Variants in EYS observed in about 807,000 individuals in gnomAD.
EYS encodes the protein protein eyes shut homolog.
Under a neutral mutation model 282.1 loss-of-function variants are expected in EYS, and 250 were observed. The ratio of observed to expected loss-of-function variants is 0.89; its 90% CI spans 0.80 to 0.98. The LOEUF is 0.98. EYS is among the 50% of genes least tolerant of loss of function. The pLI is 0.00. For synonymous variants in EYS, 1,355 were observed against 1,282.9 expected (o/e 1.06, Z -1.20); for missense variants, 4,016 against 3,709.0 (o/e 1.08, Z -2.15).
intron 34 of EYS, 21 bp from the exon 35 acceptor site, chr6:63,984,624 A>G (rs2149792442): frequency 6.8e-7 from 1 of 1,462,988 alleles, no homozygotes. Flanking sequence ...AGTAACAACA[A>G]AAAATATTAT....
intron 34 of EYS, among the ~76,000 whole-genome samples, chr6:63,993,220 C>A (rs1359933106): frequency 1.3e-5 from 2 of 151,618 alleles, no homozygotes; most frequent in Non-Finnish European, 3.0e-5. Flanking sequence ...TGGTGAACAC[C>A]TAAAGCTTTT....
rs557014122 is a variant in EYS at position 64,511,584 on chromosome 6, G to C, written c.5645-72232C>G. Among the ~76,000 whole-genome samples the C allele has an allele frequency of 3.3e-5, 5 of 151,932 alleles. No homozygotes were observed. In the East Asian group the frequency reaches 9.7e-4, roughly 29 times the overall value. Reference sequence around the variant, plus strand: ...TTGTGCCACTGAGTAGAGATGGAAGGATGTACGCAACTCTGCATCCCAGTG... The same window carrying C: ...TTGTGCCACTGAGTAGAGATGGAAGCATGTACGCAACTCTGCATCCCAGTG... On this transcript the variant is annotated intron_variant, in intron 26 of 42. Coordinates refer to ENST00000503581, the MANE Select transcript of EYS (RefSeq NM_001142800.2).
At chr6:65,637,365 A>G (rs770603748) in intron 2 of EYS, among the ~76,000 whole-genome samples, 1 of 152,212 alleles carries the variant, frequency 6.6e-6, no homozygotes, top group Non-Finnish European at 1.5e-5. Context: ...GCTAGTAACT[A>G]GTGATGGAAG....
intron 15 of EYS, among the ~76,000 whole-genome samples, chr6:64,933,030 A>G (rs1404558066): frequency 1.3e-5 from 2 of 152,110 alleles, no homozygotes; most frequent in African/African-American, 2.4e-5. Flanking sequence ...AGTATGGGCC[A>G]TGCACAGAAA....
At chr6:64,751,244 C>T (rs1190123462) in intron 22 of EYS, among the ~76,000 whole-genome samples, 1 of 152,156 alleles carries the variant, frequency 6.6e-6, no homozygotes, top group Non-Finnish European at 1.5e-5. Flanking sequence ...GGAGCTTAAG[C>T]TGCCCCACCC....
chr6:65,553,688 C>T lies in EYS; in HGVS notation c.-332-57695G>A, dbSNP rs562263400. Reference sequence around the variant, plus strand: ...ACAAACAAAAACATCTCTAAAACACCTTAATAATCTTTTATAAAATAATGA... The same window carrying T: ...ACAAACAAAAACATCTCTAAAACACTTTAATAATCTTTTATAAAATAATGA... On this transcript the variant is annotated intron_variant, in intron 2 of 42. Transcript: ENST00000503581. Among the ~76,000 whole-genome samples, 1,378 of 151,670 alleles carry T rather than the reference C, an allele frequency of 9.1e-3. 11 individuals carry two copies. The highest frequency in any genetic ancestry group is 0.016 in the Admixed American group (241 of 15,256).
intron 2 of EYS, among the ~76,000 whole-genome samples, chr6:65,591,974 A>T (rs933891322): frequency 6.6e-6 from 1 of 152,038 alleles, no homozygotes; most frequent in Non-Finnish European, 1.5e-5. Context: ...TGATGAGAAC[A>T]TAATAGATAC....
At chr6:64,770,058 A>T (rs1773477791) in intron 22 of EYS, among the ~76,000 whole-genome samples, 1 of 151,874 alleles carries the variant, frequency 6.6e-6, no homozygotes. Flanking sequence ...TTTGACAATG[A>T]CTTCAACAAC....
At chr6:65,650,057 A>T (rs1003853633) in intron 1 of EYS, among the ~76,000 whole-genome samples, 7 of 152,164 alleles carry the variant, frequency 4.6e-5, no homozygotes, top group African/African-American at 7.2e-5. Context: ...GTTTTATCTG[A>T]ATTATTTAAT....
chr6:64,249,252 C>T (rs573592217), intron 30 of EYS, among the ~76,000 whole-genome samples: 5 of 151,992 alleles, frequency 3.3e-5, no homozygotes, highest in South Asian at 2.1e-4. Flanking sequence ...AACTGGAAGC[C>T]GTTATCTTAT....
chr6:64,779,347 G>A lies in EYS; in HGVS notation c.3443+34031C>T, dbSNP rs1773785689. Among the ~76,000 whole-genome samples, 4 of 152,136 alleles carry A rather than the reference G, an allele frequency of 2.6e-5. No homozygotes were observed. In the South Asian group the frequency reaches 8.3e-4, roughly 32 times the overall value. Reference sequence around the variant, plus strand: ...GCTACCTAACCACAAAAATGACATGGAGGACACTTAGACCCATATGGCTAA... The same window carrying A: ...GCTACCTAACCACAAAAATGACATGAAGGACACTTAGACCCATATGGCTAA... On this transcript the variant is annotated intron_variant, in intron 22 of 42. Transcript: ENST00000503581.
At chr6:65,060,714 T>C (rs1390760680) in intron 12 of EYS, among the ~76,000 whole-genome samples, 4 of 151,344 alleles carry the variant, frequency 2.6e-5, no homozygotes, top group Non-Finnish European at 5.9e-5. Context: ...GTTTACACCT[T>C]CTTCTGCAGT....
At chr6:65,090,880 C>T (rs1487797966) in intron 12 of EYS, among the ~76,000 whole-genome samples, 3 of 151,992 alleles carry the variant, frequency 2.0e-5, no homozygotes, top group Non-Finnish European at 2.9e-5. Context: ...GTAATACTAA[C>T]CTGTCATAAG....
intron 29 of EYS, among the ~76,000 whole-genome samples, 184 bp downstream of exon 29, chr6:64,388,506 A>G (rs1772983850): frequency 2.0e-5 from 3 of 152,212 alleles, no homozygotes; most frequent in Non-Finnish European, 4.4e-5. Flanking sequence ...AACTTCTATT[A>G]TACTTTGGTA....
chr6:64,593,357 C>A (rs1253472516), intron 24 of EYS, 48 bp from the exon 25 acceptor site: 3 of 1,431,324 alleles, frequency 2.1e-6, no homozygotes, highest in East Asian at 2.6e-5. Context: ...TTTCTTTGTT[C>A]CTAAGAGAAA....
intron 13 of EYS, among the ~76,000 whole-genome samples, chr6:65,022,872 T>C (rs1397569833): frequency 6.6e-6 from 1 of 151,966 alleles, no homozygotes; most frequent in Non-Finnish European, 1.5e-5. Flanking sequence ...TAGAGATATG[T>C]TGTATCAAGG....
intron 12 of EYS, among the ~76,000 whole-genome samples, chr6:65,082,036 CTTTA>C (rs890108911): frequency 2.0e-5 from 3 of 152,034 alleles, no homozygotes; most frequent in Non-Finnish European, 4.4e-5. Context: ...AGTCATAAAA[CTTTA>C]CAATTACCCT....
intron 31 of EYS, among the ~76,000 whole-genome samples, chr6:64,211,770 T>G (rs1765782514): frequency 1.3e-5 from 2 of 150,680 alleles, no homozygotes; most frequent in South Asian, 4.2e-4. Flanking sequence ...CTTTTGTAAT[T>G]TATAATATTT....
chr6:64,983,055 A>C (rs1172610154), intron 14 of EYS, among the ~76,000 whole-genome samples: 2 of 151,202 alleles, frequency 1.3e-5, no homozygotes. Flanking sequence ...TTATTTTATA[A>C]CATTATGAAT....
Sources: allele counts gnomAD v4.1 joint callset (sites outside exome capture counted in the v4.1 genomes callset), GRCh38; gene constraint gnomAD v4.1.1; transcripts MANE v1.5; gene names NCBI Gene and HGNC (gene_info 2026-07-23, HGNC 2026-07-21).